Variants in SAE1 observed in about 807,000 individuals in gnomAD.
The protein encoded by SAE1 is SUMO1 activating enzyme subunit 1.
SAE1 carries 11 observed loss-of-function variants against 40.6 expected under a neutral mutation model. The observed-to-expected ratio is 0.27, with a 90% CI of 0.17 to 0.45. SAE1 has a LOEUF of 0.45. Ranked by LOEUF, SAE1 falls within the 20% of genes least tolerant of loss-of-function variation. The pLI, the probability that SAE1 is intolerant of heterozygous loss-of-function variation, is 1.00. For synonymous variants in SAE1, 155 were observed against 154.3 expected (o/e 1.00, Z -0.03); for missense variants, 373 against 427.3 (o/e 0.87, Z 1.12).
intron 2 of SAE1, among the ~76,000 whole-genome samples, chr19:47,145,367 G>A (rs1381682855): frequency 3.3e-5 from 5 of 152,020 alleles, no homozygotes; most frequent in African/African-American, 7.2e-5. Flanking sequence ...GGTTGGTCTC[G>A]AACTCCTGAC....
chr19:47,184,798 T>TTTTTGTTTTGTTTTGTTTTG (rs201318034), intron 6 of SAE1, among the ~76,000 whole-genome samples: 3 of 148,450 alleles, frequency 2.0e-5, no homozygotes, highest in Non-Finnish European at 3.0e-5. Flanking sequence ...TTTTGTTTTG[T>TTTTTGTTTTGTTTTGTTTTG]TTTTGTTTTG....
chr19:47,141,265 G>A (rs2058220072), intron 1 of SAE1, among the ~76,000 whole-genome samples: 1 of 151,934 alleles, frequency 6.6e-6, no homozygotes, highest in Non-Finnish European at 1.5e-5. Context: ...GCCTCCCAAA[G>A]TGCTGGGATT....
In SAE1 at chr19:47,130,861, A is replaced by T; in HGVS notation, c.-70A>T. The T allele has an allele frequency of 6.5e-7, 1 of 1,543,374 alleles. No homozygotes were observed. The highest frequency in any genetic ancestry group is 8.7e-7 in the Non-Finnish European group (1 of 1,144,206). ...CTCCGGGCGTGCTGCCGGCGGCGGT[A>T]GGTGGCGCGCGGGTCCGGCGGGCGG... On this transcript the variant is annotated 5_prime_UTR_variant, in exon 1 of 9. Coordinates refer to ENST00000270225, the MANE Select transcript of SAE1 (RefSeq NM_005500.3).
At chr19:47,145,339 G>A (rs923238708) in intron 2 of SAE1, among the ~76,000 whole-genome samples, 15 of 152,080 alleles carry the variant, frequency 9.9e-5, no homozygotes, top group African/African-American at 3.6e-4. Context: ...TAGAGATGGG[G>A]TTTCACCATA....
intron 6 of SAE1, among the ~76,000 whole-genome samples, chr19:47,185,164 CAT>C (rs567375728): frequency 3.9e-5 from 6 of 152,208 alleles, no homozygotes; most frequent in East Asian, 1.9e-4. Context: ...TTGCAAAAAA[CAT>C]GTGTCTAAAA....
At chr19:47,151,859 G>A (rs530784847) in intron 3 of SAE1, among the ~76,000 whole-genome samples, 1 of 152,234 alleles carries the variant, frequency 6.6e-6, no homozygotes, top group Admixed American at 6.5e-5. Context: ...TGTGTAATGC[G>A]TGTGCATGGG....
intron 6 of SAE1, among the ~76,000 whole-genome samples, chr19:47,170,550 A>C (rs1297221205): frequency 2.6e-5 from 3 of 113,718 alleles, no homozygotes; most frequent in Non-Finnish European, 5.0e-5. Flanking sequence ...TCTGTCACCC[A>C]GGCTGGAATG....
intron 1 of SAE1, among the ~76,000 whole-genome samples, chr19:47,131,889 C>T (rs1398706030): frequency 6.6e-6 from 1 of 151,344 alleles, no homozygotes; most frequent in Admixed American, 6.6e-5. Flanking sequence ...TTAGTAGACA[C>T]GGGGTTTCGC....
At chr19:47,161,394 C>T (rs370109515) in intron 5 of SAE1, among the ~76,000 whole-genome samples, 2 of 152,040 alleles carry the variant, frequency 1.3e-5, no homozygotes, top group Admixed American at 1.3e-4. Flanking sequence ...AAACACTATC[C>T]GCCTTAAAAA....
chr19:47,132,994 G>A (rs2058155751), intron 1 of SAE1, among the ~76,000 whole-genome samples: 3 of 152,126 alleles, frequency 2.0e-5, no homozygotes, highest in African/African-American at 7.2e-5. Context: ...GGGCTCTGAA[G>A]AGGTAACATT....
intron 6 of SAE1, among the ~76,000 whole-genome samples, chr19:47,180,983 GTTT>G (rs201311883): frequency 6.6e-6 from 1 of 151,906 alleles, no homozygotes; most frequent in African/African-American, 2.4e-5. Flanking sequence ...ATAGAGGAAG[GTTT>G]TTTTTCTTTT....
intron 6 of SAE1, among the ~76,000 whole-genome samples, chr19:47,178,343 A>G (rs1198766853): frequency 3.9e-5 from 6 of 152,210 alleles, no homozygotes; most frequent in Non-Finnish European, 4.4e-5. Flanking sequence ...CTGAATCCAG[A>G]TAGCTAGGAG....
At chr19:47,179,834 G>C (rs920144113) in intron 6 of SAE1, among the ~76,000 whole-genome samples, 6 of 152,170 alleles carry the variant, frequency 3.9e-5, no homozygotes, top group African/African-American at 1.4e-4. Context: ...GGGATTACAG[G>C]TGTGAGCCAC....
At chr19:47,137,867 T>C (rs1230193450) in intron 1 of SAE1, among the ~76,000 whole-genome samples, 3 of 151,928 alleles carry the variant, frequency 2.0e-5, no homozygotes, top group Admixed American at 6.6e-5. Flanking sequence ...TAGCTCGGAT[T>C]ACAGGCGCGT....
At chr19:47,134,693 G>C (rs1486303217) in intron 1 of SAE1, among the ~76,000 whole-genome samples, 5 of 152,118 alleles carry the variant, frequency 3.3e-5, no homozygotes, top group Non-Finnish European at 5.9e-5. Context: ...TGTTTGAAGT[G>C]GGGCAAAGTT....
rs371828536 is a variant in SAE1, at chr19:47,133,862, G to T, written c.98+2834G>T. Among the ~76,000 whole-genome samples, 749 of 148,852 alleles carry T rather than the reference G, an allele frequency of 5.0e-3. 11 individuals are homozygous for T. The highest frequency in any genetic ancestry group is 0.017 in the African/African-American group (694 of 40,526). On this transcript the variant is annotated intron_variant, in intron 1 of 8. Transcript: ENST00000270225. ...TTTAGGTTTCAGATTTGTTTTTTTT[G>T]TTTGTTTTTTTTTTTTTTGAGACGG...
intron 6 of SAE1, among the ~76,000 whole-genome samples, chr19:47,193,819 T>G (rs1231097698): frequency 6.9e-5 from 10 of 144,466 alleles, no homozygotes; most frequent in African/African-American, 2.3e-4. Context: ...CAGAGCAAGA[T>G]TGTCTCAAAA....
chr19:47,194,706 G>A (rs1355493692), intron 6 of SAE1, among the ~76,000 whole-genome samples: 1 of 151,804 alleles, frequency 6.6e-6, no homozygotes, highest in Non-Finnish European at 1.5e-5. Flanking sequence ...CTGTGGACAA[G>A]GTGTAGTGGG....
chr19:47,138,366 G>A (rs2058195793), intron 1 of SAE1, among the ~76,000 whole-genome samples: 2 of 152,176 alleles, frequency 1.3e-5, no homozygotes, highest in Non-Finnish European at 2.9e-5. Flanking sequence ...CTTTGTGCCT[G>A]TTTTCTCAGC....
Sources: gnomAD v4.1 joint callset for allele counts (sites outside exome capture counted in the v4.1 genomes callset) on GRCh38, gnomAD v4.1.1 for gene constraint, MANE v1.5 for transcripts, NCBI Gene and HGNC (gene_info 2026-07-23, HGNC 2026-07-21) for gene names.